The following ZNF142 variants were observed in gnomAD, a reference collection of about 807,000 sequenced individuals.
ZNF142 encodes the protein zinc finger protein 142 (clone pHZ-49).
A neutral mutation model predicts 132.1 loss-of-function variants in ZNF142; 96 were observed. The ratio of observed to expected loss-of-function variants is 0.73; its 90% confidence interval spans 0.62 to 0.86. ZNF142 has a LOEUF of 0.86. ZNF142 is among the 40% of genes least tolerant of loss of function. The pLI is 0.00. For missense variants in ZNF142, 2,163 were observed against 2,336.2 expected, an observed-to-expected ratio of 0.93 and a Z score of 1.53; for synonymous variants, 842 against 890.1, an observed-to-expected ratio of 0.95 and a Z score of 0.96.
At position 218,636,197 on chromosome 2, in the gene ZNF142, A is replaced by C. The variant is rs1010698198; in HGVS notation, c.*2142T>G. Reference sequence around the variant, plus strand: ...ACACAAGAAAAGCAACCCAGTCAAGAAAACTGTCATAATGTCTTCTTATTT... The same window carrying C: ...ACACAAGAAAAGCAACCCAGTCAAGCAAACTGTCATAATGTCTTCTTATTT... On this transcript the variant is annotated 3_prime_UTR_variant, in exon 11 of 11. Coordinates refer to ENST00000411696, the MANE Select transcript of ZNF142 (RefSeq NM_001379659.1). 6.3e-7 allele frequency: 1 copy of C among 1,588,436 alleles called. No individual in the cohort carries two copies. The highest frequency in any genetic ancestry group is 1.3e-5 in the African/African-American group (1 of 74,286).
Position 218,649,160 on chromosome 2 carries a change from A to C in ZNF142, c.1348T>G (p.Ser450Ala). 6.2e-7 allele frequency: 1 copy of C among 1,614,184 alleles called. No homozygotes were observed. The highest frequency in any genetic ancestry group is 8.5e-7 in the Non-Finnish European group (1 of 1,180,036). ...CAGACAGGACAGGCATAGGTGTCTG[A>C]GTAGAAGTTGGAAATATCTTCATGC... The part of the protein sequence containing the change: ...SMHEDISNFY[S>A]DTYACPVCRE... The change falls in exon 7 of 11, where the codon TCA becomes GCA. Residue 450 changes from serine (S) to alanine (A), a missense_variant. This residue lies in a region of ZNF142 where 749 missense variants were observed against 830.3 expected (regional missense o/e 0.90). Coordinates refer to ENST00000411696, the MANE Select transcript of ZNF142 (RefSeq NM_001379659.1).
chr2:218,647,569 C>T (rs1697854834), intron 7 of ZNF142, among the ~76,000 whole-genome samples: 1 of 152,024 alleles, frequency 6.6e-6, no homozygotes, highest in South Asian at 2.1e-4. Context: ...TAGTTGACTA[C>T]CATGTGGGTT....
rs1184000666 is a variant in ZNF142, at chr2:218,651,769, C to A, written c.812G>T (p.Ser271Ile). ...TTCTCCCTGTGTCCCAGCACCATGG[C>A]TCCGCTGATGCTGCCGGAAGAGTTT... The part of the protein sequence containing the change: ...NVKLFRQHQR[S>I]HGAGTQGELS... Residue 271 changes from serine (S) to isoleucine (I), a missense_variant, in exon 5 of 11, where the codon AGC becomes ATC. By Grantham distance (142) the Ser-to-Ile change is moderately radical (BLOSUM62 -2). Coordinates refer to ENST00000411696, the MANE Select transcript of ZNF142 (RefSeq NM_001379659.1). The A allele has an allele frequency of 7.8e-7, 1 of 1,289,882 alleles. No homozygotes were observed. Among genetic ancestry groups the A allele is most frequent in the East Asian group, 5.6e-5 (1 of 18,018 alleles). 79.9% of individuals were successfully genotyped at this position (1,289,882 alleles called of 1,614,324 possible).
At chr2:218,640,630 A>C in intron 10 of ZNF142, 34 bp downstream of exon 10, 1 of 1,596,946 alleles carries the variant, frequency 6.3e-7, no homozygotes, top group Non-Finnish European at 8.6e-7. Context: ...GAACAAAGGA[A>C]CCCTTCAGGC....
rs201287573 is a variant in ZNF142 at position 218,636,592 on chromosome 2, G to A, written c.*1747C>T. 2.0e-5 allele frequency: 32 copies of A among 1,611,020 alleles called. No homozygotes were observed. The highest frequency in any genetic ancestry group is 4.5e-5 in the East Asian group (2 of 44,830). Reference sequence around the variant, plus strand: ...ATGAGTCCTGAGGTGGGCATTTCACGGGAAGGGTTGGTGTGCTGGCTTTAG... The same window carrying A: ...ATGAGTCCTGAGGTGGGCATTTCACAGGAAGGGTTGGTGTGCTGGCTTTAG... On this transcript the variant is annotated 3_prime_UTR_variant, in exon 11 of 11. Coordinates refer to ENST00000411696, the MANE Select transcript of ZNF142 (RefSeq NM_001379659.1).
Position 218,642,114 on chromosome 2 carries a change from T to C in ZNF142, c.5002A>G (p.Thr1668Ala). The C allele has an allele frequency of 6.2e-7, 1 of 1,614,202 alleles. No homozygotes were observed. The highest frequency in any genetic ancestry group is 1.1e-5 in the South Asian group (1 of 91,084). ...AYSTKNRQKITWHSRIHTGEK... is the reference protein window; with the variant it reads ...AYSTKNRQKIAWHSRIHTGEK... Reference sequence around the variant, plus strand: ...CCAGTGTGGATGCGGCTGTGCCAGGTGATCTTCTGTCGGTTCTTGGTGCTG... The same window carrying C: ...CCAGTGTGGATGCGGCTGTGCCAGGCGATCTTCTGTCGGTTCTTGGTGCTG... Residue 1668 changes from threonine to alanine, a missense_variant, in exon 9 of 11, where the codon ACC (threonine) becomes GCC (alanine). By Grantham distance (58) the Thr-to-Ala change is moderately conservative. This residue lies in a region of ZNF142 where 325 missense variants were observed against 367.8 expected (regional missense o/e 0.88). Transcript: ENST00000411696. The surrounding 1 kb of genome is among the most constrained non-coding windows in gnomAD (Gnocchi z 4.6).
At chr2:218,646,124 G>C (rs375523425) in intron 8 of ZNF142, 47 bp downstream of exon 8, 143 of 1,588,726 alleles carry the variant, frequency 9.0e-5, no homozygotes, top group Non-Finnish European at 1.2e-4. Flanking sequence ...AAGCTAGCTT[G>C]GCTAAGATTC....
chr2:218,656,066 T>C, intron 4 of ZNF142, 84 bp downstream of exon 4: 7 of 1,401,230 alleles, frequency 5.0e-6, no homozygotes, highest in Non-Finnish European at 6.6e-6. Context: ...TGTGTTCTCA[T>C]CATATTTATA....
chr2:218,651,796 A>C lies in ZNF142; in HGVS notation c.785T>G (p.Val262Gly). The change falls in exon 5 of 11, where the codon GTC becomes GGC. Residue 262 changes from valine (V) to glycine (G), a missense_variant. Coordinates refer to ENST00000411696, the MANE Select transcript of ZNF142 (RefSeq NM_001379659.1). ...CSHCSFIGSN[V>G]KLFRQHQRSH... ...CCGCTGATGCTGCCGGAAGAGTTTG[A>C]CGTTGGAGCCTATGAAGCTGCAGTG... 1 of 1,289,868 alleles carries C rather than the reference A, an allele frequency of 7.8e-7. No individual in the cohort carries two copies. The highest frequency in any genetic ancestry group is 5.6e-5 in the East Asian group (1 of 18,014). 79.9% of individuals were successfully genotyped at this position (1,289,868 alleles called of 1,614,324 possible). A position where few individuals can be genotyped will look rare whatever the true frequency, so the allele number is the denominator to read the frequency against.
At position 218,638,422 on chromosome 2, in the gene ZNF142, G is replaced by C. The variant is rs1334029087; in HGVS notation, c.5581C>G (p.Pro1861Ala). The change falls in exon 11 of 11, where the codon CCC (proline) becomes GCC (alanine). Residue 1861 changes from proline to alanine, a missense_variant. Pro to Ala is a conservative substitution (Grantham distance 27, BLOSUM62 -1). Transcript: ENST00000411696. The stretch of plus-strand genomic sequence containing the variant: ...TGCACATCATGCAGGTGCACTGTGG[G>C]GGTGGTGGGGTCTTTGCCCACACCC... ...NQGVGKDPTT[P>A]TVHLHDVQLE... The C allele has an allele frequency of 8.3e-6, 13 of 1,559,682 alleles. No homozygotes were observed. In the South Asian group the frequency reaches 8.4e-5, roughly 10 times the overall value.
chr2:218,646,314 GAAGTCACAC>G lies in ZNF142; in HGVS notation c.1899_1907del (p.Cys634_Phe636del), dbSNP rs762812300. ...ATAGGTAGCTCACGTCTCGGCATGT[GAAGTCACAC>G]AGCTCACACTTGTGGGGCTTCTCAC... On this transcript the variant is annotated inframe_deletion, in exon 8 of 11. Transcript: ENST00000411696. 1 of 1,614,248 alleles carries G rather than the reference GAAGTCACAC, an allele frequency of 6.2e-7. No individual in the cohort carries two copies. Among genetic ancestry groups the G allele is most frequent in the African/African-American group, 1.3e-5 (1 of 75,054 alleles).
At position 218,642,328 on chromosome 2, in the gene ZNF142, T is replaced by C. The variant is rs1026639794; in HGVS notation, c.4788A>G (p.Val1596=). 6.2e-7 allele frequency: 1 copy of C among 1,613,738 alleles called. No homozygotes were observed. Among genetic ancestry groups the C allele is most frequent in the African/African-American group, 1.3e-5 (1 of 74,918 alleles). The change falls in exon 9 of 11, where the codon GTA becomes GTG. Residue 1596 remains valine (V), a synonymous_variant. Transcript: ENST00000411696. The surrounding 1 kb of genome is among the most constrained non-coding windows in gnomAD (Gnocchi z 4.6). ...CCTCATGCTGTTCCAGGTAGTGCTT[T>C]ACCAGGCCCACCCGCTCCCGGGCAG... ...DFAARERVGL[V]KHYLEQHEET...
intron 6 of ZNF142, 46 bp downstream of exon 6, chr2:218,650,313 C>T: frequency 6.2e-7 from 1 of 1,611,890 alleles, no homozygotes; most frequent in South Asian, 1.1e-5. Context: ...TTCAACAATC[C>T]ATTCTTCCCC....
rs753476324 is a variant in ZNF142 at position 218,633,959 on chromosome 2, A to G, written c.*4380T>C. On this transcript the variant is annotated 3_prime_UTR_variant, in exon 11 of 11. Transcript: ENST00000411696. ...TCTAGGGGCAGGAAAGCTGGTCTGG[A>G]TGGACAGAGTAGAGAGGCACAGTGA... is the stretch of plus-strand genomic sequence containing the variant. 282 of 1,258,214 alleles carry G rather than the reference A, an allele frequency of 2.2e-4. No individual in the cohort carries two copies. The highest frequency in any genetic ancestry group is 2.9e-4 in the Non-Finnish European group (267 of 906,656). The allele number at this position is 1,258,214 out of a possible 1,614,324, so 77.9% of individuals were successfully genotyped here.
chr2:218,636,662 G>A lies in ZNF142; in HGVS notation c.*1677C>T, dbSNP rs1254605541. On this transcript the variant is annotated 3_prime_UTR_variant, in exon 11 of 11. Coordinates refer to ENST00000411696, the MANE Select transcript of ZNF142 (RefSeq NM_001379659.1). ...AGGATGCTCGAGAGAACAAATGGAG[G>A]TGGTGAAAATCAAGCTTTGGATTGT... The A allele has an allele frequency of 2.1e-6, 3 of 1,403,082 alleles. No homozygotes were observed. Among genetic ancestry groups the A allele is most frequent in the Non-Finnish European group, 3.0e-6 (3 of 1,013,280 alleles). 86.9% of individuals were successfully genotyped at this position (1,403,082 alleles called of 1,614,324 possible).
rs767292407 is a variant in ZNF142 at position 218,642,374 on chromosome 2, C to A, written c.4742G>T (p.Arg1581Leu). 1 of 1,612,976 alleles carries A rather than the reference C, an allele frequency of 6.2e-7. No individual in the cohort carries two copies. The highest frequency in any genetic ancestry group is 1.1e-5 in the South Asian group (1 of 91,088). Reference sequence around the variant, plus strand: ...GGCAGCAAAGTCACAGAGCTGACAGCGGTGGCTGAAATGCTGCTGCCTCCG... The same window carrying A: ...GGCAGCAAAGTCACAGAGCTGACAGAGGTGGCTGAAATGCTGCTGCCTCCG... ...EHRRQQHFSH[R>L]CQLCDFAARE... The change falls in exon 9 of 11, where the codon CGC becomes CTC. Residue 1581 changes from arginine to leucine, a missense_variant. Around this residue, in one of 7 missense-constraint regions of ZNF142, gnomAD observed 809 missense variants for 801.7 expected, o/e 1.01. Coordinates refer to ENST00000411696, the MANE Select transcript of ZNF142 (RefSeq NM_001379659.1). The surrounding 1 kb of genome is among the most constrained non-coding windows in gnomAD (Gnocchi z 4.6).
In ZNF142 at chr2:218,651,686, C is replaced by T; in HGVS notation, c.880+15G>A. 7.9e-7 allele frequency: 1 copy of T among 1,271,342 alleles called. No homozygotes were observed. Among genetic ancestry groups the T allele is most frequent in the Non-Finnish European group, 1.0e-6 (1 of 979,540 alleles). The allele number at this position is 1,271,342 out of a possible 1,614,324, so 78.8% of individuals were successfully genotyped here. A position where few individuals can be genotyped will look rare whatever the true frequency, so the allele number is the denominator to read the frequency against. On this transcript the variant is annotated intron_variant, in intron 5 of 10. Coordinates refer to ENST00000411696, the MANE Select transcript of ZNF142 (RefSeq NM_001379659.1). ...GAACTCCAGGAGAGGAACTGCTTGG[C>T]CCTTGGCCTCATACCTGGCAGCAGC...
chr2:218,656,249 C>T lies in ZNF142; in HGVS notation c.181G>A (p.Val61Ile), dbSNP rs1286739824. The T allele has an allele frequency of 6.2e-7, 1 of 1,613,604 alleles. No individual in the cohort carries two copies. Among genetic ancestry groups the T allele is most frequent in the East Asian group, 2.2e-5 (1 of 44,876 alleles). ...PIPTEPGCLL[V>I]EATATEEGPG... ...CCCTCTTCAGTTGCTGTGGCCTCTA[C>T]CAGCAGGCAGCCTGGCTCAGTAGGT... is the stretch of plus-strand genomic sequence containing the variant. Residue 61 changes from valine to isoleucine, a missense_variant, in exon 4 of 11, where the codon GTA becomes ATA. By Grantham distance (29) the Val-to-Ile change is conservative (BLOSUM62 3). Coordinates refer to ENST00000411696, the MANE Select transcript of ZNF142 (RefSeq NM_001379659.1).
In ZNF142 at chr2:218,649,448, A is replaced by T. The variant is rs372988865; in HGVS notation, c.1060T>A (p.Ser354Thr). The T allele has an allele frequency of 6.3e-7, 1 of 1,595,514 alleles. No individual in the cohort carries two copies. The highest frequency in any genetic ancestry group is 8.5e-7 in the Non-Finnish European group (1 of 1,169,838). The stretch of plus-strand genomic sequence containing the variant: ...GTCTTGAAGAGGGACTCGGTGCCAG[A>T]GACCACATCCCCTGGGAAAGGGAAT... ...GAQRLEGDVV[S>T]GTESLFKTHM... is the part of the protein sequence containing the mutation. The change falls in exon 7 of 11, where the codon TCT (serine) becomes ACT (threonine). Residue 354 changes from serine to threonine, a missense_variant. Physicochemically the swap from Ser to Thr is moderately conservative, Grantham distance 58. Coordinates refer to ENST00000411696, the MANE Select transcript of ZNF142 (RefSeq NM_001379659.1).
Sources: gnomAD v4.1 joint callset for allele counts (sites outside exome capture counted in the v4.1 genomes callset) on GRCh38, gnomAD v4.1.1 for gene constraint, gnomAD v4.1.1 regional missense constraint, Gnocchi (gnomAD v3.1) non-coding constraint, MANE v1.5 for transcripts, NCBI Gene and HGNC (gene_info 2026-07-23, HGNC 2026-07-21) for gene names.